The following TXNRD1 variants were observed in gnomAD, a reference collection of about 807,000 sequenced individuals.
The protein encoded by TXNRD1 is thioredoxin reductase 1, cytoplasmic.
Under a neutral mutation model 80.3 loss-of-function variants are expected in TXNRD1, and 57 were observed. That is an observed-to-expected ratio of 0.71 (90% confidence interval 0.57 to 0.89). TXNRD1 has a LOEUF of 0.89. Among genes scored for constraint, TXNRD1 ranks in the 40% least tolerant of loss-of-function variants. The probability of loss-of-function intolerance (pLI) is 0.00; values close to 1 mark genes in which losing one functional copy is unlikely to be tolerated. For synonymous variants in TXNRD1, 291 were observed against 285.2 expected (o/e 1.02, Z -0.20); for missense variants, 730 against 803.0 (o/e 0.91, Z 1.10).
At chr12:104,289,163 T>C (rs993784097) in intron 4 of TXNRD1, 123 bp downstream of exon 4, 16 of 1,234,654 alleles carry the variant, frequency 1.3e-5, no homozygotes, top group Non-Finnish European at 1.8e-5. Context: ...CGCTGGGAAA[T>C]GACGAAAAAC....
At chr12:104,304,351 G>A (rs762764220) in intron 4 of TXNRD1, 1 of 1,614,052 alleles carries the variant, frequency 6.2e-7, no homozygotes, top group Non-Finnish European at 8.5e-7. Context: ...CTGACAAGTT[G>A]AGTGATTGTG....
chr12:104,291,141 C>T (rs1317303643), intron 4 of TXNRD1: 1 of 492,322 alleles, frequency 2.0e-6, no homozygotes. Context: ...CCATCAAGAA[C>T]ACTTAAAAGA....
intron 1 of TXNRD1, among the ~76,000 whole-genome samples, chr12:104,249,891 G>C (rs1384235772): frequency 2.1e-5 from 3 of 139,900 alleles, no homozygotes; most frequent in Admixed American, 1.5e-4. Flanking sequence ...GGCCGAGATC[G>C]TGCCACTGTA....
intron 3 of TXNRD1, chr12:104,262,357 C>T (rs1246348009): frequency 6.6e-6 from 1 of 152,008 alleles, no homozygotes; most frequent in South Asian, 2.1e-4. Flanking sequence ...GGAGGAACAC[C>T]GTTCTACATG....
At chr12:104,266,052 C>T (rs936207416) in intron 3 of TXNRD1, among the ~76,000 whole-genome samples, 13 of 151,234 alleles carry the variant, frequency 8.6e-5, no homozygotes, top group Admixed American at 2.6e-4. Context: ...TAATTTGTAT[C>T]ACTTTGATTA....
intron 15 of TXNRD1, among the ~76,000 whole-genome samples, chr12:104,338,846 A>G (rs1316860426): frequency 6.6e-6 from 1 of 151,724 alleles, no homozygotes; most frequent in African/African-American, 2.4e-5. Flanking sequence ...CCTCTCAAGT[A>G]GCTGGAACTA....
At chr12:104,219,255 A>G (rs2032292451) in intron 1 of TXNRD1, among the ~76,000 whole-genome samples, 1 of 152,226 alleles carries the variant, frequency 6.6e-6, no homozygotes, top group Non-Finnish European at 1.5e-5. Flanking sequence ...GACATTAAAA[A>G]TGTTCTTTTG....
At chr12:104,335,786 T>C (rs2036116748) in intron 15 of TXNRD1, among the ~76,000 whole-genome samples, 1 of 152,166 alleles carries the variant, frequency 6.6e-6, no homozygotes, top group South Asian at 2.1e-4. Flanking sequence ...AAACTGATAA[T>C]GTTTTAATCT....
At chr12:104,266,887 G>A (rs1033816407) in intron 3 of TXNRD1, among the ~76,000 whole-genome samples, 21 of 152,266 alleles carry the variant, frequency 1.4e-4, no homozygotes, top group Admixed American at 1.3e-3. Context: ...GTGTGAACCC[G>A]GGAGGCGGAG....
intron 15 of TXNRD1, among the ~76,000 whole-genome samples, chr12:104,337,018 G>C (rs1365963526): frequency 1.3e-5 from 2 of 151,960 alleles, no homozygotes; most frequent in African/African-American, 2.4e-5. Context: ...TCATGCTTAC[G>C]TTCTTATGTT....
At chr12:104,316,500 C>T (rs2035332399) in intron 7 of TXNRD1, among the ~76,000 whole-genome samples, 1 of 152,206 alleles carries the variant, frequency 6.6e-6, no homozygotes, top group South Asian at 2.1e-4. Context: ...CACCATTCTC[C>T]TGCCTCAGCC....
rs1051909092 is a variant in TXNRD1, at chr12:104,294,239, C to CG, written c.414+5199_414+5200insG. On this transcript the variant is annotated intron_variant, in intron 4 of 16. Transcript: ENST00000525566. ...TAAACTCCCCCGGGGAAAGGCCCCC[C>CG]CCCCCGCCGCCGGCTTTCCCGGTCT... is the stretch of plus-strand genomic sequence containing the variant. 6.5e-5 allele frequency among the ~76,000 whole-genome samples: 8 copies of CG among 123,136 alleles called. 2 individuals are homozygous for CG. The highest frequency in any genetic ancestry group is 6.6e-4 in the South Asian group (2 of 3,038). The allele number at this position is 123,136 out of a possible 152,430, so 80.8% of individuals were successfully genotyped here.
intron 1 of TXNRD1, among the ~76,000 whole-genome samples, chr12:104,230,251 T>C (rs1354181453): frequency 6.6e-6 from 1 of 151,868 alleles, no homozygotes; most frequent in Admixed American, 6.6e-5. Context: ...GTATTTTCAG[T>C]AGAGATGGGG....
rs968822717 is a variant in TXNRD1, at chr12:104,349,612, CATT to C, written c.*1197_*1199del. 4 of 152,558 alleles carry C rather than the reference CATT, an allele frequency of 2.6e-5. No individual in the cohort carries two copies. Among genetic ancestry groups the C allele is most frequent in the Non-Finnish European group, 5.9e-5 (4 of 68,030 alleles). 9.5% of individuals were successfully genotyped at this position (152,558 alleles called of 1,614,324 possible). On this transcript the variant is annotated 3_prime_UTR_variant, in exon 17 of 17. Coordinates refer to ENST00000525566, the MANE Select transcript of TXNRD1 (RefSeq NM_001093771.3). ...TATGCTTTGTTAGCATTTCAACTTG[CATT>C]ATTATAAAGAGGTATTAATGCCTCA...
intron 7 of TXNRD1, among the ~76,000 whole-genome samples, chr12:104,316,759 T>G (rs1373960955): frequency 6.6e-6 from 1 of 152,230 alleles, no homozygotes; most frequent in Admixed American, 6.5e-5. Context: ...CATAGCTTCC[T>G]GGCTAATTTA....
chr12:104,323,575 G>C (rs1326233595), intron 10 of TXNRD1, among the ~76,000 whole-genome samples: 1 of 122,972 alleles, frequency 8.1e-6, no homozygotes, highest in Admixed American at 7.4e-5. Context: ...TGGCCGGGCG[G>C]GGGGCTGACA....
chr12:104,342,441 C>G (rs568031493), intron 16 of TXNRD1, among the ~76,000 whole-genome samples: 1 of 152,162 alleles, frequency 6.6e-6, no homozygotes, highest in African/African-American at 2.4e-5. Context: ...AGACCAAATA[C>G]ATATTTCTTC....
At chr12:104,340,780 C>T (rs1234167593) in intron 16 of TXNRD1, among the ~76,000 whole-genome samples, 1 of 152,158 alleles carries the variant, frequency 6.6e-6, no homozygotes, top group Non-Finnish European at 1.5e-5. Flanking sequence ...TCCAAATTCA[C>T]AAATACTGGG....
At chr12:104,264,001 C>T (rs1352389886) in intron 3 of TXNRD1, among the ~76,000 whole-genome samples, 1 of 152,140 alleles carries the variant, frequency 6.6e-6, no homozygotes, top group Non-Finnish European at 1.5e-5. Flanking sequence ...TGTCTGCTTC[C>T]CTAGTTGCCT....
Sources: allele counts gnomAD v4.1 joint callset (sites outside exome capture counted in the v4.1 genomes callset), GRCh38; gene constraint gnomAD v4.1.1; transcripts MANE v1.5; gene names NCBI Gene and HGNC (gene_info 2026-07-23, HGNC 2026-07-21).